Variants in HTR4 observed in about 807,000 individuals in gnomAD.
HTR4 encodes 5-hydroxytryptamine receptor 4.
A neutral mutation model predicts 36.8 loss-of-function variants in HTR4; 16 were observed. The observed-to-expected ratio is 0.43, with a 90% CI of 0.29 to 0.66. The LOEUF is 0.66. Among genes scored for constraint, HTR4 ranks in the 30% least tolerant of loss-of-function variants. The pLI is 0.13. For synonymous variants in HTR4, 189 were observed against 185.1 expected (o/e 1.02, Z -0.17); for missense variants, 438 against 490.9 (o/e 0.89, Z 1.02).
At chr5:148,473,913 T>C (rs1755633280), downstream of HTR4, among the ~76,000 whole-genome samples, 1 of 151,644 alleles carries the variant, frequency 6.6e-6, no homozygotes, top group Non-Finnish European at 1.5e-5. Context: ...GCCAGGAAAT[T>C]AGAGAATAAA....
intron 5 of HTR4, among the ~76,000 whole-genome samples, chr5:148,456,428 C>A (rs946522820): frequency 1.3e-5 from 2 of 152,138 alleles, no homozygotes; most frequent in African/African-American, 4.8e-5. Context: ...TAGGCCCATT[C>A]ATGGGGATCT....
chr5:148,554,289 G>A (rs1357612054), intron 2 of HTR4, among the ~76,000 whole-genome samples: 1 of 152,072 alleles, frequency 6.6e-6, no homozygotes, highest in Non-Finnish European at 1.5e-5. Flanking sequence ...TGGTCAGGCT[G>A]GTCTCGAACT....
intron 2 of HTR4, among the ~76,000 whole-genome samples, chr5:148,557,260 G>C (rs1409820546): frequency 6.6e-6 from 1 of 152,154 alleles, no homozygotes; most frequent in African/African-American, 2.4e-5. Context: ...GGTGGCTGGG[G>C]AGATGGAGAG....
At chr5:148,574,456 A>G (rs906909868) in intron 2 of HTR4, among the ~76,000 whole-genome samples, 2 of 152,062 alleles carry the variant, frequency 1.3e-5, no homozygotes, top group Admixed American at 1.3e-4. Context: ...ATCTGAATGC[A>G]GCCTTCAGTT....
At chr5:148,626,494 C>T (rs537788472) in intron 2 of HTR4, among the ~76,000 whole-genome samples, 3 of 152,308 alleles carry the variant, frequency 2.0e-5, no homozygotes, top group East Asian at 3.9e-4. Flanking sequence ...ACTCGATTCT[C>T]ACATGTTGAC....
intron 2 of HTR4, among the ~76,000 whole-genome samples, chr5:148,583,429 TATA>T (rs574906094): frequency 1.6e-3 from 244 of 150,544 alleles, no homozygotes; most frequent in African/African-American, 5.4e-3. Context: ...AAACTTAAAG[TATA>T]ATAATAATAA....
At chr5:148,553,434 C>T (rs1759792600) in intron 2 of HTR4, among the ~76,000 whole-genome samples, 1 of 152,160 alleles carries the variant, frequency 6.6e-6, no homozygotes. Flanking sequence ...TGGGAATCCA[C>T]CCTCAGAGGT....
At chr5:148,600,203 C>T (rs1360571923) in intron 2 of HTR4, among the ~76,000 whole-genome samples, 1 of 149,282 alleles carries the variant, frequency 6.7e-6, no homozygotes, top group African/African-American at 2.4e-5. Context: ...AAAGTGTGTG[C>T]TGCTTTAATA....
chr5:148,621,208 T>A (rs910828319), intron 2 of HTR4, among the ~76,000 whole-genome samples: 3 of 152,220 alleles, frequency 2.0e-5, no homozygotes, highest in Non-Finnish European at 2.9e-5. Context: ...TAACAAGAAA[T>A]CAATTTACTG....
Position 148,636,355 on chromosome 5 carries a change from A to C in HTR4, c.26+634T>G, listed in dbSNP as rs140850926. Among the ~76,000 whole-genome samples the C allele has an allele frequency of 3.9e-3, 589 of 152,284 alleles. 4 individuals are homozygous for C. The highest frequency in any genetic ancestry group is 0.012 in the African/African-American group (500 of 41,570). ...TATCTATGGATAATTCTCAGCCTCA[A>C]ATGCCAATTCATAACATTGAGGCCT... is the stretch of plus-strand genomic sequence containing the variant. On this transcript the variant is annotated intron_variant, in intron 2 of 6. Transcript: ENST00000377888.
At chr5:148,457,981 TGATATATTTAATATATCTTAA>T in intron 5 of HTR4, among the ~76,000 whole-genome samples, 1 of 135,018 alleles carries the variant, frequency 7.4e-6, no homozygotes, top group African/African-American at 2.7e-5. Context: ...TATATTTTAA[TGATATATTTAATATATCTTAA>T]GATATATTAA....
chr5:148,471,880 G>C (rs1320388815), downstream of HTR4, among the ~76,000 whole-genome samples: 3 of 152,174 alleles, frequency 2.0e-5, no homozygotes, highest in African/African-American at 4.8e-5. Flanking sequence ...CTAAATGTTA[G>C]CACTACAGTA....
intron 2 of HTR4, among the ~76,000 whole-genome samples, chr5:148,614,373 T>C (rs983488258): frequency 2.6e-5 from 4 of 152,024 alleles, no homozygotes; most frequent in South Asian, 2.1e-4. Context: ...TCAGAAATAA[T>C]GCCGCATATC....
intron 2 of HTR4, among the ~76,000 whole-genome samples, chr5:148,617,110 A>T (rs1487071016): frequency 6.6e-6 from 1 of 152,218 alleles, no homozygotes; most frequent in African/African-American, 2.4e-5. Context: ...ACCTGGTAGG[A>T]GGTGGCTGGA....
rs1030895027 is a variant in HTR4 at position 148,654,235 on chromosome 5, C to G, written c.-221G>C. The G allele has an allele frequency of 2.6e-5, 26 of 985,152 alleles. No homozygotes were observed. Among genetic ancestry groups the G allele is most frequent in the Non-Finnish European group, 3.1e-5 (26 of 829,872 alleles). The allele number at this position is 985,152 out of a possible 1,614,324, so 61.0% of individuals were successfully genotyped here. A position where few individuals can be genotyped will look rare whatever the true frequency, so the allele number is the denominator to read the frequency against. On this transcript the variant is annotated 5_prime_UTR_variant, in exon 1 of 7. Transcript: ENST00000377888. ...GCCCCCGCGCTGGGGAGCCGGCGAG[C>G]GTGAGGCGCGGGCCAGGGGCTGCGG...
chr5:148,606,464 C>G (rs1478178934), intron 2 of HTR4, among the ~76,000 whole-genome samples: 3 of 152,074 alleles, frequency 2.0e-5, no homozygotes, highest in Non-Finnish European at 4.4e-5. Context: ...AAAAATGGAG[C>G]TATGTACATA....
At chr5:148,557,905 A>C (rs1432916) in intron 2 of HTR4, among the ~76,000 whole-genome samples, 82,479 of 151,148 alleles carry the variant, frequency 0.55, 23,792 homozygotes, top group African/African-American at 0.75. Context: ...TTCTCTTTAT[A>C]TTTTTATGTA....
At chr5:148,615,906 C>T (rs1752663435) in intron 2 of HTR4, among the ~76,000 whole-genome samples, 1 of 152,126 alleles carries the variant, frequency 6.6e-6, no homozygotes, top group Non-Finnish European at 1.5e-5. Flanking sequence ...GACCCAGATG[C>T]TGTGATTTAA....
At chr5:148,481,261 A>T (rs1028136750), downstream of HTR4, among the ~76,000 whole-genome samples, 2 of 152,220 alleles carry the variant, frequency 1.3e-5, no homozygotes, top group Non-Finnish European at 2.9e-5. Context: ...GGGAACAATG[A>T]CTTGAAAAAT....
Sources: allele counts gnomAD v4.1 joint callset (sites outside exome capture counted in the v4.1 genomes callset), GRCh38; gene constraint gnomAD v4.1.1; transcripts MANE v1.5; gene names NCBI Gene and HGNC (gene_info 2026-07-23, HGNC 2026-07-21).